PSIP1: variants seen among roughly 807,000 people sequenced by gnomAD.
The protein encoded by PSIP1 is PC4 and SRSF1 interacting protein 1.
In PSIP1, 19 loss-of-function variants were observed where a neutral mutation model predicts 74.7. The ratio of observed to expected loss-of-function variants is 0.25; its 90% CI spans 0.18 to 0.37. The LOEUF is 0.37. PSIP1 is among the 10% of genes least tolerant of loss of function. The probability of loss-of-function intolerance (pLI) is 1.00; values close to 1 mark genes in which losing one functional copy is unlikely to be tolerated. For missense variants in PSIP1, 601 were observed against 614.3 expected, an observed-to-expected ratio of 0.98 and a Z score of 0.23; for synonymous variants, 222 against 195.3, an observed-to-expected ratio of 1.14 and a Z score of -1.14.
chr9:15,488,901 G>A (rs1319201639), intron 4 of PSIP1, among the ~76,000 whole-genome samples: 2 of 151,858 alleles, frequency 1.3e-5, no homozygotes, highest in Non-Finnish European at 2.9e-5. Flanking sequence ...GGCACCTGTA[G>A]TCCCAGCTAC....
At chr9:15,503,441 G>C (rs1169683174) in intron 3 of PSIP1, among the ~76,000 whole-genome samples, 1 of 152,092 alleles carries the variant, frequency 6.6e-6, no homozygotes, top group East Asian at 1.9e-4. Flanking sequence ...AGGATCACTT[G>C]AAACCAGGCG....
intron 15 of PSIP1, among the ~76,000 whole-genome samples, chr9:15,466,403 CTG>C (rs1419737613): frequency 3.9e-5 from 6 of 151,928 alleles, no homozygotes; most frequent in African/African-American, 7.2e-5. Flanking sequence ...AACAACAAAA[CTG>C]TGATTCTCCA....
chr9:15,489,295 C>G (rs2036713675), intron 4 of PSIP1: 1 of 152,030 alleles, frequency 6.6e-6, no homozygotes, highest in South Asian at 2.1e-4. Context: ...GGTTCATATT[C>G]CAATACAATT....
Position 15,469,245 on chromosome 9 carries a change from TA to T in PSIP1, c.1104+20del. ...AGCTATAAATGCAGTACTGAAGTATTAAATGAAGTTAAACACTTACAAGATT... is the reference window on the plus strand; with the variant it reads ...AGCTATAAATGCAGTACTGAAGTATTAATGAAGTTAAACACTTACAAGATT... On this transcript the variant is annotated intron_variant, in intron 12 of 15. Coordinates refer to ENST00000380733, the MANE Select transcript of PSIP1 (RefSeq NM_033222.5). 1 of 1,452,808 alleles carries T rather than the reference TA, an allele frequency of 6.9e-7. No homozygotes were observed. The highest frequency in any genetic ancestry group is 9.5e-7 in the Non-Finnish European group (1 of 1,054,076). 90.0% of individuals were successfully genotyped at this position (1,452,808 alleles called of 1,614,324 possible). A position where few individuals can be genotyped will look rare whatever the true frequency, so the allele number is the denominator to read the frequency against.
At chr9:15,474,409 TTAGAAGA>T (rs2035986832) in intron 8 of PSIP1, among the ~76,000 whole-genome samples, 172 bp from the exon 9 acceptor site, 3 of 152,156 alleles carry the variant, frequency 2.0e-5, no homozygotes, top group South Asian at 2.1e-4. Flanking sequence ...TTGGTATAAA[TTAGAAGA>T]TAGAAGATGG....
In PSIP1 at chr9:15,471,256, T is replaced by G. The variant is rs779109720; in HGVS notation, c.978-1263A>C. On this transcript the variant is annotated intron_variant, in intron 10 of 15. Coordinates refer to ENST00000380733, the MANE Select transcript of PSIP1 (RefSeq NM_033222.5). The stretch of plus-strand genomic sequence containing the variant: ...GCTGGGAATACAATACAATAAACTT[T>G]ATTTTGCATAATGCATTTCACACAA... 4.4e-6 allele frequency: 7 copies of G among 1,588,958 alleles called. 1 individual carries two copies. In the South Asian group the frequency reaches 7.7e-5, roughly 18 times the overall value.
At chr9:15,500,585 A>G (rs1330242751) in intron 3 of PSIP1, among the ~76,000 whole-genome samples, 1 of 152,198 alleles carries the variant, frequency 6.6e-6, no homozygotes, top group African/African-American at 2.4e-5. Flanking sequence ...CAGAAGAACT[A>G]GTGTAGAAGA....
intron 4 of PSIP1, 61 bp from the exon 5 acceptor site, chr9:15,486,992 ATTCT>A: frequency 9.1e-7 from 1 of 1,093,120 alleles, no homozygotes; most frequent in Admixed American, 2.5e-5. Context: ...AATATATACA[ATTCT>A]TTATTTTTAT....
At chr9:15,489,855 C>G in intron 4 of PSIP1, 131 bp downstream of exon 4, 2 of 720,258 alleles carry the variant, frequency 2.8e-6, no homozygotes, top group South Asian at 3.4e-5. Flanking sequence ...AAGGTTCAAC[C>G]TCACAAATAA....
At chr9:15,491,277 ACAAAAG>A (rs1045651558) in intron 3 of PSIP1, among the ~76,000 whole-genome samples, 25 of 151,368 alleles carry the variant, frequency 1.7e-4, no homozygotes, top group Non-Finnish European at 4.4e-5. Flanking sequence ...AAAATGACCA[ACAAAAG>A]CAAAAAAATG....
chr9:15,493,330 G>C (rs114808246), intron 3 of PSIP1, among the ~76,000 whole-genome samples: 6,559 of 152,218 alleles, frequency 0.043, 473 homozygotes, highest in African/African-American at 0.15. Flanking sequence ...ATCTCCATCT[G>C]AGACCACCTC....
intron 2 of PSIP1, among the ~76,000 whole-genome samples, chr9:15,508,192 T>C (rs144714973): frequency 1.3e-5 from 2 of 152,344 alleles, no homozygotes; most frequent in East Asian, 1.9e-4. Context: ...TAGACAGAAA[T>C]GTTAAAGCAA....
intron 6 of PSIP1, among the ~76,000 whole-genome samples, chr9:15,484,422 G>C (rs1202463593): frequency 4.0e-5 from 6 of 151,488 alleles, no homozygotes; most frequent in Non-Finnish European, 8.8e-5. Flanking sequence ...AACATGGTGA[G>C]ACCCCATCTC....
At chr9:15,510,049 C>T in intron 2 of PSIP1, 68 bp downstream of exon 2, 4 of 1,433,142 alleles carry the variant, frequency 2.8e-6, no homozygotes, top group Non-Finnish European at 3.8e-6. Context: ...AATAAAGAGA[C>T]ACGGTGGGCA....
chr9:15,468,214 A>C lies in PSIP1; in HGVS notation c.1420+416T>G, dbSNP rs191645605. 1.5e-4 allele frequency among the ~76,000 whole-genome samples: 23 copies of C among 151,890 alleles called. No homozygotes were observed. In the East Asian group the frequency reaches 4.4e-3, roughly 29 times the overall value. On this transcript the variant is annotated intron_variant, in intron 14 of 15. Coordinates refer to ENST00000380733, the MANE Select transcript of PSIP1 (RefSeq NM_033222.5). ...ATCATCAGAATACCTGTATCAAGTA[A>C]TGGCAGGTGTAGTCTCCACCTATGA...
Position 15,471,289 on chromosome 9 carries a change from C to T in PSIP1, c.978-1296G>A, listed in dbSNP as rs770888688. 21 of 1,575,342 alleles carry T rather than the reference C, an allele frequency of 1.3e-5. No individual in the cohort carries two copies. In the South Asian group the frequency reaches 2.3e-4, roughly 17 times the overall value. On this transcript the variant is annotated intron_variant, in intron 10 of 15. Coordinates refer to ENST00000380733, the MANE Select transcript of PSIP1 (RefSeq NM_033222.5). ...ATAATGCATTTCACACAAGCTGCAT[C>T]TGAAATGCTTTACAGAGCAAAACTG... is the stretch of plus-strand genomic sequence containing the variant.
Position 15,490,046 on chromosome 9 carries a change from A to G in PSIP1, c.228T>C (p.Gly76=), listed in dbSNP as rs1250253909. The change falls in exon 4 of 16, where the codon GGT becomes GGC. Residue 76 remains glycine (G), a synonymous_variant. Coordinates refer to ENST00000380733, the MANE Select transcript of PSIP1 (RefSeq NM_033222.5). ...EKYGKPNKRK[G]FNEGLWEIDN... is the part of the protein sequence containing the mutation. ...CTATCTCCCATAAACCTTCATTAAA[A>G]CCTTTTCTTTTATTTGGTTTGCCAT... 1 of 1,605,522 alleles carries G rather than the reference A, an allele frequency of 6.2e-7. No individual in the cohort carries two copies.
intron 14 of PSIP1, among the ~76,000 whole-genome samples, chr9:15,468,009 A>G (rs894937915): frequency 9.9e-5 from 15 of 151,474 alleles, no homozygotes; most frequent in Non-Finnish European, 5.9e-5. Flanking sequence ...AATCCCAGCT[A>G]CTCTGGAGGT....
intron 4 of PSIP1, 21 bp from the exon 5 acceptor site, chr9:15,486,952 TAATTTCAAA>T (rs1401296460): frequency 6.8e-7 from 1 of 1,472,688 alleles, no homozygotes; most frequent in Admixed American, 2.0e-5. Flanking sequence ...TCAACTCTAT[TAATTTCAAA>T]AAATAAGTTT....
Sources: gnomAD v4.1 joint callset for allele counts (sites outside exome capture counted in the v4.1 genomes callset) on GRCh38, gnomAD v4.1.1 for gene constraint, MANE v1.5 for transcripts, NCBI Gene and HGNC (gene_info 2026-07-23, HGNC 2026-07-21) for gene names.